FRMD4A: variants seen among roughly 807,000 people sequenced by gnomAD.
FRMD4A encodes FERM domain-containing protein 4A.
A neutral mutation model predicts 129.1 loss-of-function variants in FRMD4A; 29 were observed. That is an observed-to-expected ratio of 0.22 (90% CI 0.17 to 0.31). FRMD4A has a LOEUF of 0.31. Among genes scored for constraint, FRMD4A ranks in the 10% least tolerant of loss-of-function variants. The probability of loss-of-function intolerance (pLI) is 1.00; values close to 1 mark genes in which losing one functional copy is unlikely to be tolerated. For missense variants in FRMD4A, 1,272 were observed against 1,375.8 expected, an observed-to-expected ratio of 0.92 and a Z score of 1.19; for synonymous variants, 634 against 571.6, an observed-to-expected ratio of 1.11 and a Z score of -1.56.
intron 2 of FRMD4A, among the ~76,000 whole-genome samples, chr10:13,989,230 G>T (rs997607016): frequency 2.0e-5 from 3 of 152,020 alleles, no homozygotes; most frequent in African/African-American, 7.2e-5. Flanking sequence ...CAGGGGTCCT[G>T]GTGTTTTTGA....
chr10:14,018,333 G>A (rs896836637), intron 2 of FRMD4A, among the ~76,000 whole-genome samples: 2 of 151,372 alleles, frequency 1.3e-5, no homozygotes, highest in African/African-American at 4.9e-5. Context: ...GCAGGCGTCT[G>A]TAGTCCCAGC....
At chr10:13,701,545 G>A (rs2086831114) in intron 13 of FRMD4A, 67 bp from the exon 14 acceptor site, 4 of 1,504,200 alleles carry the variant, frequency 2.7e-6, no homozygotes, top group African/African-American at 2.7e-5. Flanking sequence ...TCAGTCAACA[G>A]CTTCTGTAGA....
chr10:13,957,112 C>T (rs1487026633), intron 2 of FRMD4A, among the ~76,000 whole-genome samples: 8 of 152,168 alleles, frequency 5.3e-5, no homozygotes, highest in Non-Finnish European at 1.0e-4. Context: ...AAGATCAGCC[C>T]GCCTTCTAGT....
At chr10:14,136,202 A>G (rs956956004) in intron 2 of FRMD4A, among the ~76,000 whole-genome samples, 2 of 152,164 alleles carry the variant, frequency 1.3e-5, no homozygotes, top group Admixed American at 1.3e-4. Context: ...GGGACCCCAT[A>G]ATCAATAAGC....
intron 2 of FRMD4A, among the ~76,000 whole-genome samples, chr10:14,217,024 C>T (rs112804050): frequency 0.013 from 2,036 of 152,286 alleles, 17 homozygotes; most frequent in Non-Finnish European, 0.018. Context: ...TCCTGACAGC[C>T]GGTCACCGAA....
rs185004601 is a variant in FRMD4A, at chr10:14,040,818, T to C, written c.46-181906A>G. The stretch of plus-strand genomic sequence containing the variant: ...CAGCTTAGGCCTGCAGTGGATACAG[T>C]GGTTTTGGCTTCATGTACACAGGTG... On this transcript the variant is annotated intron_variant, in intron 2 of 24. Transcript: ENST00000357447. 7.9e-5 allele frequency among the ~76,000 whole-genome samples: 12 copies of C among 152,204 alleles called. No individual in the cohort carries two copies. In the East Asian group the frequency reaches 1.9e-3, roughly 25 times the overall value.
intron 2 of FRMD4A, among the ~76,000 whole-genome samples, chr10:14,038,529 G>A (rs572626957): frequency 1.1e-4 from 17 of 152,222 alleles, no homozygotes; most frequent in African/African-American, 4.1e-4. Context: ...AAAAGAGATA[G>A]GCAAGCCCCC....
chr10:14,301,158 C>T (rs1470504949), intron 2 of FRMD4A, among the ~76,000 whole-genome samples: 1 of 152,222 alleles, frequency 6.6e-6, no homozygotes, highest in Admixed American at 6.5e-5. Flanking sequence ...TAACATTGGT[C>T]CTGACTCCAT....
intron 6 of FRMD4A, among the ~76,000 whole-genome samples, chr10:13,780,597 T>C (rs1588683983): frequency 6.6e-6 from 1 of 152,298 alleles, no homozygotes; most frequent in South Asian, 2.1e-4. Context: ...ATCACTAGTC[T>C]ACAGGGAAAC....
chr10:13,888,054 C>T (rs897908757), intron 2 of FRMD4A, among the ~76,000 whole-genome samples: 24 of 152,154 alleles, frequency 1.6e-4, no homozygotes, highest in African/African-American at 4.3e-4. Context: ...TGTGTGCAAT[C>T]GTGACTCCAA....
At chr10:14,161,204 C>T (rs1840870707) in intron 2 of FRMD4A, among the ~76,000 whole-genome samples, 1 of 152,210 alleles carries the variant, frequency 6.6e-6, no homozygotes, top group South Asian at 2.1e-4. Flanking sequence ...AATCCACCCG[C>T]CTCGGCCTCC....
intron 13 of FRMD4A, among the ~76,000 whole-genome samples, chr10:13,701,812 C>G (rs1037458345): frequency 6.6e-6 from 1 of 152,288 alleles, no homozygotes; most frequent in Non-Finnish European, 1.5e-5. Flanking sequence ...AGACAAACTT[C>G]GCAGACAGGA....
At chr10:13,687,107 A>G (rs1381252785) in intron 15 of FRMD4A, among the ~76,000 whole-genome samples, 1 of 152,178 alleles carries the variant, frequency 6.6e-6, no homozygotes, top group Non-Finnish European at 1.5e-5. Context: ...CCTGGCCAAC[A>G]TCATGAAACC....
intron 22 of FRMD4A, chr10:13,655,412 G>A (rs1203001843): frequency 6.6e-6 from 1 of 152,140 alleles, no homozygotes; most frequent in Admixed American, 6.6e-5. Context: ...ATCTTCCTGG[G>A]GAGTCAATGG....
intron 12 of FRMD4A, among the ~76,000 whole-genome samples, chr10:13,714,036 A>AAAATATATATTTTT (rs1554858965): frequency 1.7e-3 from 8 of 4,708 alleles, no homozygotes; most frequent in East Asian, 7.6e-3. Context: ...ACATATATAT[A>AAAATATATATTTTT]TATATATATA....
intron 2 of FRMD4A, among the ~76,000 whole-genome samples, chr10:13,867,821 A>G (rs987807017): frequency 5.1e-5 from 7 of 137,584 alleles, no homozygotes; most frequent in Non-Finnish European, 1.1e-4. Flanking sequence ...TACATAATAT[A>G]ATATATAATA....
chr10:13,909,484 T>C (rs1335849852), intron 2 of FRMD4A, among the ~76,000 whole-genome samples: 1 of 152,150 alleles, frequency 6.6e-6, no homozygotes, highest in African/African-American at 2.4e-5. Flanking sequence ...GATTTTTGAG[T>C]CAACAGTTGA....
intron 2 of FRMD4A, among the ~76,000 whole-genome samples, chr10:14,026,507 G>T (rs1832991985): frequency 6.6e-6 from 1 of 152,158 alleles, no homozygotes; most frequent in South Asian, 2.1e-4. Context: ...GAATTAGAGC[G>T]GGTCCCACAG....
chr10:14,330,195 G>A lies in FRMD4A; in HGVS notation c.-81-12C>T. On this transcript the variant is annotated splice_polypyrimidine_tract_variant and intron_variant, in intron 1 of 24. Transcript: ENST00000357447. ...GCATCCAAAAGCACCTGCAGAAAAA[G>A]CAGCCAAAATCCAGACTTAGGGAGC... The A allele has an allele frequency of 7.4e-7, 1 of 1,348,492 alleles. No homozygotes were observed. The allele number at this position is 1,348,492 out of a possible 1,614,324, so 83.5% of individuals were successfully genotyped here. A position where few individuals can be genotyped will look rare whatever the true frequency, so the allele number is the denominator to read the frequency against.
Sources: allele counts gnomAD v4.1 joint callset (sites outside exome capture counted in the v4.1 genomes callset), GRCh38; gene constraint gnomAD v4.1.1; transcripts MANE v1.5; gene names NCBI Gene and HGNC (gene_info 2026-07-23, HGNC 2026-07-21).